The following ETAA1 variants were observed in gnomAD, a reference collection of about 807,000 sequenced individuals.
ETAA1 encodes ETAA1 activator of ATR kinase.
A neutral mutation model predicts 76.8 loss-of-function variants in ETAA1; 49 were observed. That is an observed-to-expected ratio of 0.64 (90% CI 0.51 to 0.81). ETAA1 has a LOEUF of 0.81. ETAA1 is among the 30% of genes least tolerant of loss of function. ETAA1 has a pLI of 0.00. For missense variants in ETAA1, 1,099 were observed against 1,074.0 expected, an observed-to-expected ratio of 1.02 and a Z score of -0.32; for synonymous variants, 373 against 372.2, an observed-to-expected ratio of 1.00 and a Z score of -0.03.
intron 1 of ETAA1, 128 bp downstream of exon 1, chr2:67,397,799 G>A: frequency 1.1e-6 from 1 of 945,650 alleles, no homozygotes; most frequent in Non-Finnish European, 1.6e-6. Flanking sequence ...TTCACCCCTC[G>A]AGAGTCCAAA....
chr2:67,403,740 CA>C lies in ETAA1; in HGVS notation c.1062del (p.Lys354AsnfsTer4). ...LSSQVDTPIM[T>X]KSCVTSCTKE... ...TCTCAAGTAGATACACCCATAATGA[CA>C]AAATCATGTGTGACTTCCTGTACTA... On this transcript the variant is annotated frameshift_variant, in exon 5 of 6. Transcript: ENST00000272342. LOFTEE classifies it high-confidence loss of function. The C allele has an allele frequency of 2.5e-6, 4 of 1,613,402 alleles. No homozygotes were observed. The highest frequency in any genetic ancestry group is 3.4e-6 in the Non-Finnish European group (4 of 1,179,482).
At position 67,404,362 on chromosome 2, in the gene ETAA1, C is replaced by G; in HGVS notation, c.1680C>G (p.Thr560=). The G allele has an allele frequency of 6.2e-7, 1 of 1,613,168 alleles. No homozygotes were observed. The highest frequency in any genetic ancestry group is 8.5e-7 in the Non-Finnish European group (1 of 1,179,416). ...LFGSANLGSK[T]SVSNPNQTSA... is the part of the protein sequence containing the mutation. ...GCTCTGCAAATCTAGGCAGTAAAAC[C>G]AGTGTTAGTAACCCAAATCAGACTA... is the stretch of plus-strand genomic sequence containing the variant. Residue 560 remains threonine (T), a synonymous_variant, in exon 5 of 6, where the codon ACC becomes ACG. Transcript: ENST00000272342.
chr2:67,408,261 C>T (rs1326416814), intron 5 of ETAA1, among the ~76,000 whole-genome samples: 2 of 152,068 alleles, frequency 1.3e-5, no homozygotes, highest in Non-Finnish European at 1.5e-5. Context: ...CTGTCCAAAT[C>T]CAGCCTGCAG....
In ETAA1 at chr2:67,403,932, G is replaced by A. The variant is rs150310697; in HGVS notation, c.1250G>A (p.Cys417Tyr). 2.5e-4 allele frequency: 403 copies of A among 1,611,550 alleles called. 1 individual carries two copies. In the African/African-American group the frequency reaches 4.2e-3, roughly 17 times the overall value. Residue 417 changes from cysteine (C) to tyrosine (Y), a missense_variant, in exon 5 of 6, where the codon TGT becomes TAT. By Grantham distance (194) the Cys-to-Tyr change is radical. Transcript: ENST00000272342. The part of the protein sequence containing the change: ...TAHVTDQKEI[C>Y]TFNSKTVKNT... The stretch of plus-strand genomic sequence containing the variant: ...CATGTTACTGATCAAAAGGAAATTT[G>A]TACCTTTAATAGTAAAACTGTTAAA...
rs764611281 is a variant in ETAA1, at chr2:67,405,166, T to G, written c.2484T>G (p.Asn828Lys). ...FSKFTFTRMK[N>K]SQILSQFNQN... ...AGTTTACATTTACAAGGATGAAAAATTCTCAGATTCTTTCTCAGTTTAATC... is the reference window on the plus strand; with the variant it reads ...AGTTTACATTTACAAGGATGAAAAAGTCTCAGATTCTTTCTCAGTTTAATC... The change falls in exon 5 of 6, where the codon AAT becomes AAG. Residue 828 changes from asparagine (N) to lysine (K), a missense_variant. Transcript: ENST00000272342. 1.2e-6 allele frequency: 2 copies of G among 1,612,180 alleles called. No individual in the cohort carries two copies. Among genetic ancestry groups the G allele is most frequent in the Non-Finnish European group, 1.7e-6 (2 of 1,179,120 alleles).
chr2:67,397,684 C>T lies in ETAA1; in HGVS notation c.223+13C>T. ...AGTAACCCCGAGGGTGAGACGTCGG[C>T]AGCGCGGCCTGCCTTGGCTTCGGCG... On this transcript the variant is annotated intron_variant, in intron 1 of 5. Transcript: ENST00000272342. 1.3e-6 allele frequency: 2 copies of T among 1,544,678 alleles called. No homozygotes were observed.
At chr2:67,399,759 G>A (rs542385539) in intron 3 of ETAA1, 133 bp downstream of exon 3, 3 of 550,130 alleles carry the variant, frequency 5.5e-6, no homozygotes, top group Non-Finnish European at 6.3e-6. Flanking sequence ...AAAGATTACT[G>A]TTTTGCCTTT....
chr2:67,404,062 A>G lies in ETAA1; in HGVS notation c.1380A>G (p.Glu460=). 1 of 1,601,868 alleles carries G rather than the reference A, an allele frequency of 6.2e-7. No individual in the cohort carries two copies. Among genetic ancestry groups the G allele is most frequent in the Non-Finnish European group, 8.5e-7 (1 of 1,175,284 alleles). The change falls in exon 5 of 6, where the codon GAA becomes GAG. Residue 460 remains glutamate (E), a synonymous_variant. Coordinates refer to ENST00000272342, the MANE Select transcript of ETAA1 (RefSeq NM_019002.4). Reference sequence around the variant, plus strand: ...ATGACAGAGAATTAATAGATGCAGAATATAGATTTTCACCAAATTCAAATA... The same window carrying G: ...ATGACAGAGAATTAATAGATGCAGAGTATAGATTTTCACCAAATTCAAATA... ...KTYDRELIDA[E]YRFSPNSNKS...
intron 5 of ETAA1, among the ~76,000 whole-genome samples, chr2:67,409,088 G>A (rs946746390): frequency 1.3e-5 from 2 of 151,960 alleles, no homozygotes; most frequent in African/African-American, 4.8e-5. Context: ...GAAAGGAAAG[G>A]GAGGCAGATT....
chr2:67,410,166 A>G lies in ETAA1; in HGVS notation c.*128A>G. ...TTTATAAAGCCTGGACTTCTACTTT[A>G]TTTAATAAATCAATGTTTGCAATGG... On this transcript the variant is annotated 3_prime_UTR_variant, in exon 6 of 6. Coordinates refer to ENST00000272342, the MANE Select transcript of ETAA1 (RefSeq NM_019002.4). 1 of 812,786 alleles carries G rather than the reference A, an allele frequency of 1.2e-6. No individual in the cohort carries two copies. Among genetic ancestry groups the G allele is most frequent in the Non-Finnish European group, 2.0e-6 (1 of 505,122 alleles). 50.3% of individuals were successfully genotyped at this position (812,786 alleles called of 1,614,324 possible). A position where few individuals can be genotyped will look rare whatever the true frequency, so the allele number is the denominator to read the frequency against.
At chr2:67,402,817 G>T in intron 3 of ETAA1, 45 bp from the exon 4 acceptor site, 1 of 1,276,264 alleles carries the variant, frequency 7.8e-7, no homozygotes, top group Non-Finnish European at 1.1e-6. Context: ...GACGGGGGAT[G>T]CTACACTGGT....
At chr2:67,398,498 G>A (rs973628528) in intron 1 of ETAA1, among the ~76,000 whole-genome samples, 1 of 151,774 alleles carries the variant, frequency 6.6e-6, no homozygotes, top group Non-Finnish European at 1.5e-5. Context: ...ACCTCGCCCG[G>A]CTAATTTTTT....
At chr2:67,399,408 A>T in intron 2 of ETAA1, 111 bp downstream of exon 2, 1 of 1,175,924 alleles carries the variant, frequency 8.5e-7, no homozygotes, top group Admixed American at 2.3e-5. Context: ...ATGTTATATG[A>T]TTTTATCTGT....
rs181566339 is a variant in ETAA1, at chr2:67,405,471, G to A, written c.2653+136G>A. On this transcript the variant is annotated intron_variant, in intron 5 of 5. Coordinates refer to ENST00000272342, the MANE Select transcript of ETAA1 (RefSeq NM_019002.4). ...ACTAGTTAATTTTAAGAATTAACTA[G>A]AATTCTTAAAATGATACTTGGAAAT... 5.6e-3 allele frequency: 3,474 copies of A among 619,958 alleles called. 19 individuals are homozygous for A. Among genetic ancestry groups the A allele is most frequent in the Non-Finnish European group, 6.9e-3 (2,636 of 379,708 alleles). The allele number at this position is 619,958 out of a possible 1,614,324, so 38.4% of individuals were successfully genotyped here. A position where few individuals can be genotyped will look rare whatever the true frequency, so the allele number is the denominator to read the frequency against.
chr2:67,410,917 C>G lies in ETAA1; in HGVS notation c.*879C>G, dbSNP rs1188380994. On this transcript the variant is annotated 3_prime_UTR_variant, in exon 6 of 6. Coordinates refer to ENST00000272342, the MANE Select transcript of ETAA1 (RefSeq NM_019002.4). Reference sequence around the variant, plus strand: ...GGGAGTATTATTTTCTAGTATAAAACAAAAGATGTAATTAAAAGCACAATA... The same window carrying G: ...GGGAGTATTATTTTCTAGTATAAAAGAAAAGATGTAATTAAAAGCACAATA... The G allele has an allele frequency of 6.6e-6, 1 of 151,954 alleles. No homozygotes were observed. 9.4% of individuals were successfully genotyped at this position (151,954 alleles called of 1,614,324 possible).
intron 3 of ETAA1, chr2:67,401,532 A>T (rs1262888680): frequency 1.3e-5 from 2 of 151,904 alleles, no homozygotes; most frequent in African/African-American, 4.8e-5. Context: ...TAGATACCTT[A>T]TACAGCACCT....
chr2:67,399,905 T>C (rs371083918), intron 3 of ETAA1, among the ~76,000 whole-genome samples: 1,439 of 92,058 alleles, frequency 0.016, 29 homozygotes, highest in African/African-American at 0.06. Context: ...ATGTTGTGCT[T>C]AACAACATAC....
chr2:67,399,522 A>G (rs377043304), intron 2 of ETAA1, 28 bp from the exon 3 acceptor site: 17 of 1,534,714 alleles, frequency 1.1e-5, no homozygotes, highest in South Asian at 2.4e-5. Context: ...TTTGTTTAAA[A>G]TTTATAGAAA....
rs773691058 is a variant in ETAA1, at chr2:67,404,889, T to C, written c.2207T>C (p.Leu736Ser). 6 of 1,612,998 alleles carry C rather than the reference T, an allele frequency of 3.7e-6. No homozygotes were observed. Among genetic ancestry groups the C allele is most frequent in the Non-Finnish European group, 5.1e-6 (6 of 1,179,342 alleles). Residue 736 changes from leucine (L) to serine (S), a missense_variant, in exon 5 of 6, where the codon TTG becomes TCG. Leu to Ser is a moderately radical substitution (Grantham distance 145). Transcript: ENST00000272342. Reference sequence around the variant, plus strand: ...CCAAGATTTTTAGGTGCCACAAATTTGACTATGTATTCTAAGATCTCAAAC... The same window carrying C: ...CCAAGATTTTTAGGTGCCACAAATTCGACTATGTATTCTAAGATCTCAAAC... ...NSPRFLGATN[L>S]TMYSKISNCQ...
Sources: allele counts gnomAD v4.1 joint callset (sites outside exome capture counted in the v4.1 genomes callset), GRCh38; gene constraint gnomAD v4.1.1; transcripts MANE v1.5; gene names NCBI Gene and HGNC (gene_info 2026-07-23, HGNC 2026-07-21).